NCOA1: variants seen among roughly 807,000 people sequenced by gnomAD.
The protein encoded by NCOA1 is Hin-2 protein.
In NCOA1, 35 loss-of-function variants were observed where a neutral mutation model predicts 150.9. The observed-to-expected ratio is 0.23, with a 90% CI of 0.18 to 0.31. The LOEUF is 0.31. Among genes scored for constraint, NCOA1 ranks in the 10% least tolerant of loss-of-function variants. The pLI, the probability that NCOA1 is intolerant of heterozygous loss-of-function variation, is 1.00. For missense variants in NCOA1, 1,491 were observed against 1,749.3 expected (o/e 0.85, Z 2.63); for synonymous variants, 590 against 630.0 (o/e 0.94, Z 0.95).
At chr2:24,523,993 G>C (rs1317032454) in intron 1 of NCOA1, among the ~76,000 whole-genome samples, 1 of 142,282 alleles carries the variant, frequency 7.0e-6, no homozygotes, top group Non-Finnish European at 1.5e-5. Context: ...CCCAAAATTA[G>C]AGGAAGGAGA....
Position 24,658,660 on chromosome 2 carries a change from G to A in NCOA1, c.-17-1G>A. 6.2e-7 allele frequency: 1 copy of A among 1,608,834 alleles called. No homozygotes were observed. Among genetic ancestry groups the A allele is most frequent in the Non-Finnish European group, 8.5e-7 (1 of 1,175,310 alleles). On this transcript the variant is annotated splice_acceptor_variant, in intron 4 of 22. Transcript: ENST00000348332. LOFTEE classifies it low-confidence loss of function (5UTR_SPLICE). The stretch of plus-strand genomic sequence containing the variant: ...TTCTTACTGTTGTCCTTCCTGTTTA[G>A]GTGTGAAGTTTTTCAACATGAGTGG...
At chr2:24,692,534 A>G (rs1480147562) in intron 9 of NCOA1, among the ~76,000 whole-genome samples, 3 of 152,214 alleles carry the variant, frequency 2.0e-5, no homozygotes, top group African/African-American at 7.2e-5. Flanking sequence ...TCATATAATT[A>G]TCTACACTGT....
intron 8 of NCOA1, among the ~76,000 whole-genome samples, chr2:24,688,863 GT>G (rs1572595279): frequency 6.6e-6 from 1 of 152,104 alleles, no homozygotes; most frequent in Non-Finnish European, 1.5e-5. Flanking sequence ...GTCTTCCAAA[GT>G]TTTTTATAGT....
chr2:24,573,047 T>A (rs953060599), intron 2 of NCOA1, among the ~76,000 whole-genome samples: 1 of 152,158 alleles, frequency 6.6e-6, no homozygotes, highest in Non-Finnish European at 1.5e-5. Flanking sequence ...AGAGGAAGCA[T>A]AGTTGAGAGG....
chr2:24,614,746 G>C (rs1329668557), intron 3 of NCOA1, among the ~76,000 whole-genome samples: 3 of 152,144 alleles, frequency 2.0e-5, no homozygotes, highest in Non-Finnish European at 2.9e-5. Flanking sequence ...CTGCAAGTCT[G>C]AGAACCACTG....
intron 3 of NCOA1, among the ~76,000 whole-genome samples, chr2:24,613,624 G>A (rs1668738516): frequency 6.6e-6 from 1 of 152,204 alleles, no homozygotes; most frequent in South Asian, 2.1e-4. Flanking sequence ...CTGCCTGGGT[G>A]CTGCGTACAG....
At chr2:24,503,029 C>A (rs1663530194) in intron 1 of NCOA1, among the ~76,000 whole-genome samples, 1 of 152,162 alleles carries the variant, frequency 6.6e-6, no homozygotes, top group South Asian at 2.1e-4. Context: ...TTGTCCTCTG[C>A]AGTGTCTTAC....
chr2:24,762,269 A>G (rs1664827799), intron 21 of NCOA1, among the ~76,000 whole-genome samples: 1 of 152,140 alleles, frequency 6.6e-6, no homozygotes, highest in African/African-American at 2.4e-5. Context: ...TTTTTAGCTG[A>G]TTGAGGCAGG....
intron 3 of NCOA1, among the ~76,000 whole-genome samples, chr2:24,592,578 A>ATTTTTT (rs145333073): frequency 8.7e-5 from 9 of 103,486 alleles, no homozygotes; most frequent in East Asian, 2.6e-4. Flanking sequence ...TCCCCTCCTA[A>ATTTTTT]TTTTTTTTTT....
chr2:24,767,458 A>C (rs1000446280), intron 22 of NCOA1, among the ~76,000 whole-genome samples: 28 of 152,216 alleles, frequency 1.8e-4, no homozygotes, highest in Non-Finnish European at 3.4e-4. Context: ...TTGTTTTCCC[A>C]ATAGAATATG....
At chr2:24,521,252 G>T (rs1158033361) in intron 1 of NCOA1, among the ~76,000 whole-genome samples, 1 of 152,110 alleles carries the variant, frequency 6.6e-6, no homozygotes, top group Non-Finnish European at 1.5e-5. Context: ...ATATGTTTTT[G>T]TGGTGAGAAT....
intron 2 of NCOA1, among the ~76,000 whole-genome samples, chr2:24,574,084 G>A (rs887535025): frequency 2.6e-5 from 4 of 151,956 alleles, no homozygotes; most frequent in African/African-American, 9.7e-5. Context: ...ACTTCTTAGG[G>A]TTGAAAAACA....
chr2:24,628,620 G>T (rs913903390), intron 3 of NCOA1, among the ~76,000 whole-genome samples: 1 of 152,198 alleles, frequency 6.6e-6, no homozygotes, highest in Admixed American at 6.5e-5. Flanking sequence ...AAAATATGCT[G>T]TGAAGAAAAC....
chr2:24,663,117 T>G (rs957896623), intron 5 of NCOA1, among the ~76,000 whole-genome samples: 1 of 152,130 alleles, frequency 6.6e-6, no homozygotes, highest in African/African-American at 2.4e-5. Flanking sequence ...TTAAGCAGTA[T>G]ACCATGCATT....
At position 24,705,051 on chromosome 2, in the gene NCOA1, GAA is replaced by G. The variant is rs776558346; in HGVS notation, c.950-34_950-33del. The G allele has an allele frequency of 1.9e-6, 3 of 1,598,894 alleles. No homozygotes were observed. The African/African-American group carries it at 4.0e-5, about 22-fold the overall frequency. ...ACTTAAAGCCAGCGTATAAGTATCA[GAA>G]TTTTAACTAGGTTTCTCTTCTGTTT... On this transcript the variant is annotated intron_variant, in intron 11 of 22. Coordinates refer to ENST00000348332, the MANE Select transcript of NCOA1 (RefSeq NM_003743.5).
intron 6 of NCOA1, among the ~76,000 whole-genome samples, chr2:24,668,820 A>T (rs904202121): frequency 5.1e-4 from 78 of 152,008 alleles, no homozygotes; most frequent in African/African-American, 1.8e-3. Context: ...AAAGGAACGC[A>T]TAAGAGTATC....
At chr2:24,624,120 A>G (rs866673906) in intron 3 of NCOA1, among the ~76,000 whole-genome samples, 6 of 152,202 alleles carry the variant, frequency 3.9e-5, no homozygotes, top group Middle Eastern at 3.2e-3. Flanking sequence ...CCGAGGCTAT[A>G]GTACCCAATT....
At chr2:24,535,219 CTT>C (rs1665074547) in intron 1 of NCOA1, among the ~76,000 whole-genome samples, 2 of 151,976 alleles carry the variant, frequency 1.3e-5, no homozygotes, top group South Asian at 4.1e-4. Flanking sequence ...TTCTTTGTCT[CTT>C]TTGATCTTTG....
At chr2:24,496,575 TTC>T (rs970866530) in intron 1 of NCOA1, among the ~76,000 whole-genome samples, 11 of 152,202 alleles carry the variant, frequency 7.2e-5, no homozygotes, top group Non-Finnish European at 1.0e-4. Flanking sequence ...AAACTTCTCT[TTC>T]TCTCTCTTTC....
Sources: gnomAD v4.1 joint callset for allele counts (sites outside exome capture counted in the v4.1 genomes callset) on GRCh38, gnomAD v4.1.1 for gene constraint, MANE v1.5 for transcripts, NCBI Gene and HGNC (gene_info 2026-07-23, HGNC 2026-07-21) for gene names.